Variants in ROBO1 observed in about 807,000 individuals in gnomAD.
The protein encoded by ROBO1 is roundabout homolog 1.
A neutral mutation model predicts 195.9 loss-of-function variants in ROBO1; 149 were observed. The ratio of observed to expected loss-of-function variants is 0.76; its 90% CI spans 0.67 to 0.87. The LOEUF is 0.87. ROBO1 is among the 40% of genes least tolerant of loss of function. The pLI is 0.00. For missense variants in ROBO1, 1,933 were observed against 2,068.3 expected, an observed-to-expected ratio of 0.93 and a Z score of 1.27; for synonymous variants, 816 against 733.2, an observed-to-expected ratio of 1.11 and a Z score of -1.82.
At chr3:79,548,796 A>G (rs1431729143) in intron 2 of ROBO1, among the ~76,000 whole-genome samples, 1 of 152,176 alleles carries the variant, frequency 6.6e-6, no homozygotes, top group Non-Finnish European at 1.5e-5. Flanking sequence ...CCAATGATAG[A>G]CACAAATAGA....
intron 2 of ROBO1, among the ~76,000 whole-genome samples, chr3:79,309,590 A>G (rs1333683645): frequency 6.6e-6 from 1 of 152,172 alleles, no homozygotes; most frequent in Non-Finnish European, 1.5e-5. Flanking sequence ...TGGGTTATAG[A>G]GTGAGACCTG....
chr3:79,557,347 C>T (rs1942739379), intron 2 of ROBO1, among the ~76,000 whole-genome samples: 1 of 151,978 alleles, frequency 6.6e-6, no homozygotes, highest in African/African-American at 2.4e-5. Context: ...ATTTTTAAAA[C>T]ATTAGTTTGA....
At position 79,568,450 on chromosome 3, in the gene ROBO1, C is replaced by A. The variant is rs534566829; in HGVS notation, c.88+21374G>T. On this transcript the variant is annotated intron_variant, in intron 2 of 30. Coordinates refer to ENST00000464233, the MANE Select transcript of ROBO1 (RefSeq NM_002941.4). The stretch of plus-strand genomic sequence containing the variant: ...ACTTTAATTGCAGCCTTTATTAATC[C>A]ATAAAGTTTCTCTTACTATTTTCTA... 3.4e-5 allele frequency among the ~76,000 whole-genome samples: 5 copies of A among 148,130 alleles called. No homozygotes were observed. In the South Asian group the frequency reaches 1.1e-3, roughly 32 times the overall value.
At chr3:79,497,242 C>G (rs1036059406) in intron 2 of ROBO1, among the ~76,000 whole-genome samples, 1 of 152,152 alleles carries the variant, frequency 6.6e-6, no homozygotes, top group Non-Finnish European at 1.5e-5. Context: ...TTAAAATGGT[C>G]TCTGAGAATG....
intron 2 of ROBO1, among the ~76,000 whole-genome samples, chr3:79,582,110 C>T (rs1380224702): frequency 6.6e-6 from 1 of 151,606 alleles, no homozygotes; most frequent in South Asian, 2.1e-4. Context: ...AAATGTAAAC[C>T]AAATACAGGT....
intron 3 of ROBO1, among the ~76,000 whole-genome samples, chr3:79,122,906 A>C (rs545651208): frequency 1.3e-5 from 2 of 152,058 alleles, no homozygotes; most frequent in South Asian, 4.1e-4. Flanking sequence ...AAAGTCTCAC[A>C]TGTTACCTCA....
intron 2 of ROBO1, among the ~76,000 whole-genome samples, chr3:79,210,726 T>C (rs1437649288): frequency 1.3e-5 from 2 of 152,124 alleles, no homozygotes; most frequent in Non-Finnish European, 2.9e-5. Flanking sequence ...AGACCTAGTA[T>C]CTGAAGAACA....
chr3:79,222,734 C>G (rs2082162234), intron 2 of ROBO1, among the ~76,000 whole-genome samples: 1 of 151,700 alleles, frequency 6.6e-6, no homozygotes, highest in Non-Finnish European at 1.5e-5. Flanking sequence ...AATATGATTC[C>G]ATCCCACATC....
intron 2 of ROBO1, among the ~76,000 whole-genome samples, chr3:79,384,963 T>C (rs1305376295): frequency 6.6e-6 from 1 of 152,052 alleles, no homozygotes; most frequent in Non-Finnish European, 1.5e-5. Flanking sequence ...CAGAAAAAAC[T>C]GCTGTCTGAA....
intron 4 of ROBO1, among the ~76,000 whole-genome samples, chr3:78,749,827 TAACC>T (rs1156313539): frequency 6.6e-6 from 1 of 152,190 alleles, no homozygotes; most frequent in Non-Finnish European, 1.5e-5. Flanking sequence ...CCATTTCTAT[TAACC>T]AAAGTATATA....
chr3:78,997,946 A>G (rs1374270907), intron 3 of ROBO1, among the ~76,000 whole-genome samples: 1 of 152,206 alleles, frequency 6.6e-6, no homozygotes, highest in Non-Finnish European at 1.5e-5. Context: ...TTAATGTGTA[A>G]ACATGAATGA....
intron 4 of ROBO1, among the ~76,000 whole-genome samples, chr3:78,908,742 C>G (rs1313289939): frequency 2.0e-5 from 3 of 151,776 alleles, no homozygotes; most frequent in Non-Finnish European, 4.4e-5. Flanking sequence ...AGTTTTTACT[C>G]CACAGATGAA....
intron 2 of ROBO1, among the ~76,000 whole-genome samples, chr3:79,552,530 G>A (rs1451758220): frequency 2.6e-5 from 4 of 152,066 alleles, no homozygotes; most frequent in Admixed American, 1.3e-4. Context: ...TTGCAGAATA[G>A]TAAATTCATA....
intron 4 of ROBO1, among the ~76,000 whole-genome samples, chr3:78,818,750 T>TGGTC (rs1227747644): frequency 2.0e-5 from 3 of 152,212 alleles, no homozygotes; most frequent in Non-Finnish European, 2.9e-5. Context: ...GCTTCCGGGA[T>TGGTC]GGTCGTCCTG....
chr3:78,704,683 G>T (rs1042481795), intron 8 of ROBO1, among the ~76,000 whole-genome samples: 6 of 116,972 alleles, frequency 5.1e-5, no homozygotes. Context: ...AAAAAAAAAA[G>T]GAAAGAAAAG....
chr3:78,965,176 ATATAC>A (rs1310688557), intron 3 of ROBO1, among the ~76,000 whole-genome samples: 5 of 152,034 alleles, frequency 3.3e-5, no homozygotes, highest in Non-Finnish European at 7.4e-5. Flanking sequence ...TAATTATAAT[ATATAC>A]TATATACTTT....
chr3:78,939,373 G>A (rs2039998188), intron 3 of ROBO1, among the ~76,000 whole-genome samples: 1 of 151,864 alleles, frequency 6.6e-6, no homozygotes, highest in African/African-American at 2.4e-5. Flanking sequence ...CCAGCACTTT[G>A]GGGGGCCGAG....
Position 79,537,101 on chromosome 3 carries a change from T to C in ROBO1, c.88+52723A>G, listed in dbSNP as rs144018385. On this transcript the variant is annotated intron_variant, in intron 2 of 30. Coordinates refer to ENST00000464233, the MANE Select transcript of ROBO1 (RefSeq NM_002941.4). ...GGTCTTCATTTATCTTTCCTTCTTT[T>C]TTCCTTTTTTTATTTTTTTTTTGAC... Among the ~76,000 whole-genome samples the C allele has an allele frequency of 6.0e-3, 841 of 139,912 alleles. 8 individuals carry two copies. Among genetic ancestry groups the C allele is most frequent in the African/African-American group, 0.025 (795 of 31,606 alleles). 91.8% of individuals were successfully genotyped at this position (139,912 alleles called of 152,430 possible).
chr3:79,713,594 T>A (rs1033222443), intron 1 of ROBO1, among the ~76,000 whole-genome samples: 1 of 152,112 alleles, frequency 6.6e-6, no homozygotes, highest in African/African-American at 2.4e-5. Flanking sequence ...GCTTTTTAGT[T>A]TAATTAGATC....
Sources: allele counts gnomAD v4.1 joint callset (sites outside exome capture counted in the v4.1 genomes callset), GRCh38; gene constraint gnomAD v4.1.1; transcripts MANE v1.5; gene names NCBI Gene and HGNC (gene_info 2026-07-23, HGNC 2026-07-21).